The following ATRNL1 variants were observed in gnomAD, a reference collection of about 807,000 sequenced individuals.
The protein encoded by ATRNL1 is attractin like 1, also known as attractin-like protein 1.
ATRNL1 carries 95 observed loss-of-function variants against 182.7 expected under a neutral mutation model. That is an observed-to-expected ratio of 0.52 (90% CI 0.44 to 0.62). The LOEUF (loss-of-function observed/expected upper bound fraction) is 0.62, where lower values mean the gene tolerates loss of function less well. Among genes scored for constraint, ATRNL1 ranks in the 20% least tolerant of loss-of-function variants. ATRNL1 has a pLI of 0.00. For missense variants in ATRNL1, 1,471 were observed against 1,679.5 expected, an observed-to-expected ratio of 0.88 and a Z score of 2.17; for synonymous variants, 576 against 568.3, an observed-to-expected ratio of 1.01 and a Z score of -0.19.
intron 8 of ATRNL1, among the ~76,000 whole-genome samples, chr10:115,184,466 A>G (rs1592225861): frequency 6.6e-6 from 1 of 151,626 alleles, no homozygotes; most frequent in East Asian, 1.9e-4. Context: ...ATGAAGTAGT[A>G]ATATATATAC....
intron 26 of ATRNL1, among the ~76,000 whole-genome samples, chr10:115,664,859 A>G (rs1480010351): frequency 1.3e-5 from 2 of 152,152 alleles, no homozygotes; most frequent in South Asian, 2.1e-4. Flanking sequence ...GTGAAAATCT[A>G]CAGGATCAGG....
At chr10:115,879,300 T>C (rs1951770049) in intron 28 of ATRNL1, among the ~76,000 whole-genome samples, 1 of 1,280 alleles carries the variant, frequency 7.8e-4, no homozygotes, top group Non-Finnish European at 5.1e-3. Context: ...TGCAACTCTC[T>C]ATCTCAAAAA....
rs79115962 is a variant in ATRNL1 at position 115,554,072 on chromosome 10, G to A, written c.3795+4536G>A. Among the ~76,000 whole-genome samples the A allele has an allele frequency of 5.3e-4, 80 of 151,592 alleles. No individual in the cohort carries two copies. In the East Asian group the frequency reaches 0.015, roughly 28 times the overall value. On this transcript the variant is annotated intron_variant, in intron 26 of 28. Coordinates refer to ENST00000355044, the MANE Select transcript of ATRNL1 (RefSeq NM_207303.4). ...CTGCAACCTTTTGTAGAATTTCATA[G>A]CACTTCAAAGTTCTGTATTTTGTAA... is the stretch of plus-strand genomic sequence containing the variant.
chr10:115,862,420 T>TAA (rs1487313991), intron 28 of ATRNL1, among the ~76,000 whole-genome samples: 2 of 152,254 alleles, frequency 1.3e-5, no homozygotes, highest in African/African-American at 4.8e-5. Flanking sequence ...ACAGCACTCC[T>TAA]AAGTTCCATT....
intron 13 of ATRNL1, among the ~76,000 whole-genome samples, chr10:115,270,817 T>G (rs115690155): frequency 0.012 from 1,775 of 152,206 alleles, 33 homozygotes; most frequent in African/African-American, 0.039. Flanking sequence ...CTAATATGTG[T>G]CCACCCCATG....
intron 27 of ATRNL1, among the ~76,000 whole-genome samples, chr10:115,831,057 G>A (rs147751518): frequency 4.6e-5 from 7 of 151,778 alleles, no homozygotes; most frequent in African/African-American, 1.7e-4. Context: ...ATTTTTCCAC[G>A]TTTTCTGGAA....
chr10:115,545,025 G>T (rs1420977519), intron 25 of ATRNL1, among the ~76,000 whole-genome samples: 2 of 151,788 alleles, frequency 1.3e-5, no homozygotes, highest in East Asian at 3.9e-4. Flanking sequence ...TAGAAATCAA[G>T]AACATTTATA....
At chr10:115,210,022 C>T (rs551045709) in intron 8 of ATRNL1, among the ~76,000 whole-genome samples, 2 of 152,044 alleles carry the variant, frequency 1.3e-5, no homozygotes, top group East Asian at 3.9e-4. Flanking sequence ...CCTGTGTCTT[C>T]GCTCTTACAA....
At chr10:115,313,016 T>G (rs192892925) in intron 17 of ATRNL1, among the ~76,000 whole-genome samples, 17 of 152,072 alleles carry the variant, frequency 1.1e-4, no homozygotes, top group Admixed American at 1.0e-3. Context: ...TTTGTTAAAA[T>G]TTTTATTTAT....
chr10:115,365,095 G>T (rs1592529142), intron 19 of ATRNL1, among the ~76,000 whole-genome samples: 1 of 149,820 alleles, frequency 6.7e-6, no homozygotes, highest in South Asian at 2.1e-4. Context: ...AGAAGGAATG[G>T]TACCAGTTCC....
At chr10:115,547,081 C>T (rs1362570761) in intron 25 of ATRNL1, among the ~76,000 whole-genome samples, 1 of 151,754 alleles carries the variant, frequency 6.6e-6, no homozygotes, top group African/African-American at 2.4e-5. Flanking sequence ...TGGTGAAACC[C>T]CATCTCTACT....
Position 115,602,827 on chromosome 10 carries a change from C to G in ATRNL1, c.3795+53291C>G, listed in dbSNP as rs1471905266. On this transcript the variant is annotated intron_variant, in intron 26 of 28. Transcript: ENST00000355044. ...AGAGATCGCGCCACTGCACTCCAGA[C>G]TGGGTGACAGAGCGAGACTCCGTCT... 2.8e-5 allele frequency among the ~76,000 whole-genome samples: 4 copies of G among 144,144 alleles called. No homozygotes were observed. In the Admixed American group the frequency reaches 2.9e-4, roughly 10 times the overall value. The allele number at this position is 144,144 out of a possible 152,430, so 94.6% of individuals were successfully genotyped here.
rs566372468 is a variant in ATRNL1, at chr10:115,543,729, C to T, written c.3717-5729C>T. ...TTATATTGAATTCTTTTAATTTTCCCTAAATGAGATTACCTAATAAGTTCC... is the reference window on the plus strand; with the variant it reads ...TTATATTGAATTCTTTTAATTTTCCTTAAATGAGATTACCTAATAAGTTCC... On this transcript the variant is annotated intron_variant, in intron 25 of 28. Transcript: ENST00000355044. 1.2e-4 allele frequency among the ~76,000 whole-genome samples: 19 copies of T among 152,072 alleles called. 1 individual carries two copies. The East Asian group carries it at 2.7e-3, about 22-fold the overall frequency.
chr10:115,145,146 G>A (rs1173198743), intron 5 of ATRNL1, among the ~76,000 whole-genome samples: 4 of 152,048 alleles, frequency 2.6e-5, no homozygotes, highest in Non-Finnish European at 5.9e-5. Flanking sequence ...TTTGAAGTTA[G>A]TCTTTTCTAA....
intron 27 of ATRNL1, among the ~76,000 whole-genome samples, chr10:115,732,029 T>G (rs1947814781): frequency 6.6e-6 from 1 of 152,212 alleles, no homozygotes; most frequent in Admixed American, 6.5e-5. Flanking sequence ...GATATTCCAT[T>G]GTATGGATGT....
intron 1 of ATRNL1, among the ~76,000 whole-genome samples, chr10:115,107,618 C>A (rs529883651): frequency 5.3e-4 from 81 of 152,316 alleles, no homozygotes; most frequent in African/African-American, 1.9e-3. Context: ...GCCCTGCTCC[C>A]ATGGCCCTAT....
At chr10:115,542,471 G>A (rs1328063641) in intron 25 of ATRNL1, among the ~76,000 whole-genome samples, 2 of 152,042 alleles carry the variant, frequency 1.3e-5, no homozygotes, top group African/African-American at 2.4e-5. Context: ...TTATTGCATC[G>A]TCAATGTTTG....
At chr10:115,402,059 A>G (rs909327192) in intron 20 of ATRNL1, among the ~76,000 whole-genome samples, 2 of 152,134 alleles carry the variant, frequency 1.3e-5, no homozygotes, top group Non-Finnish European at 2.9e-5. Flanking sequence ...CAGGATAGCT[A>G]TTGGTGATGA....
intron 19 of ATRNL1, among the ~76,000 whole-genome samples, chr10:115,388,735 A>T (rs1198526619): frequency 6.6e-6 from 1 of 152,038 alleles, no homozygotes; most frequent in African/African-American, 2.4e-5. Flanking sequence ...TTAATTAAAA[A>T]ATAATATTTA....
Sources: gnomAD v4.1 joint callset for allele counts (sites outside exome capture counted in the v4.1 genomes callset) on GRCh38, gnomAD v4.1.1 for gene constraint, MANE v1.5 for transcripts, NCBI Gene and HGNC (gene_info 2026-07-23, HGNC 2026-07-21) for gene names.